The following YTHDF2 variants were observed in gnomAD, a reference collection of about 807,000 sequenced individuals.
YTHDF2 encodes YTH N6-methyladenosine RNA binding protein F2.
In YTHDF2, 2 loss-of-function variants were observed where a neutral mutation model predicts 50.4. The ratio of observed to expected loss-of-function variants is 0.04; its 90% CI spans 0.02 to 0.12. The LOEUF is 0.12. Ranked by LOEUF, YTHDF2 falls within the 10% of genes least tolerant of loss-of-function variation. The pLI is 1.00. For synonymous variants in YTHDF2, 217 were observed against 255.6 expected (o/e 0.85, Z 1.44); for missense variants, 483 against 722.6 (o/e 0.67, Z 3.80).
chr1:28,752,174 C>T (rs1284958255), intron 4 of YTHDF2, among the ~76,000 whole-genome samples: 1 of 152,182 alleles, frequency 6.6e-6, no homozygotes, highest in Non-Finnish European at 1.5e-5. Context: ...ATTATAATTA[C>T]CATCGTATTA....
chr1:28,741,301 TTTTA>T (rs1274218454), intron 3 of YTHDF2, among the ~76,000 whole-genome samples: 3 of 151,752 alleles, frequency 2.0e-5, no homozygotes, highest in African/African-American at 7.3e-5. Flanking sequence ...CCCGGCCTGT[TTTTA>T]TTTTATTTTT....
intron 4 of YTHDF2, among the ~76,000 whole-genome samples, chr1:28,765,023 G>A (rs1209048479): frequency 6.6e-6 from 1 of 152,058 alleles, no homozygotes; most frequent in Non-Finnish European, 1.5e-5. Flanking sequence ...TGAACAAGGT[G>A]TAAGGCCCTC....
At chr1:28,745,225 ATCT>A (rs948824203) in intron 4 of YTHDF2, among the ~76,000 whole-genome samples, 11 of 152,122 alleles carry the variant, frequency 7.2e-5, no homozygotes, top group African/African-American at 2.4e-4. Context: ...CGTTGGTACA[ATCT>A]TCTTGGAGGT....
intron 2 of YTHDF2, 170 bp downstream of exon 2, chr1:28,737,852 CA>C (rs2087719279): frequency 1.4e-6 from 1 of 712,936 alleles, no homozygotes; most frequent in Non-Finnish European, 2.3e-6. Flanking sequence ...AGCTGGCGAA[CA>C]GCTTTTTCGC....
At chr1:28,764,509 G>A (rs1473976202) in intron 4 of YTHDF2, among the ~76,000 whole-genome samples, 3 of 150,190 alleles carry the variant, frequency 2.0e-5, no homozygotes, top group Non-Finnish European at 1.5e-5. Flanking sequence ...TCCTGACCTC[G>A]TGATCCACCC....
At chr1:28,755,240 T>C (rs1376396520) in intron 4 of YTHDF2, among the ~76,000 whole-genome samples, 2 of 152,160 alleles carry the variant, frequency 1.3e-5, no homozygotes, top group Non-Finnish European at 2.9e-5. Flanking sequence ...CAGGTGATAG[T>C]AGGCAGCTGG....
intron 3 of YTHDF2, among the ~76,000 whole-genome samples, chr1:28,740,984 G>GAT (rs1421356405): frequency 1.1e-4 from 16 of 151,120 alleles, no homozygotes; most frequent in Non-Finnish European, 2.1e-4. Context: ...GATTACAGGT[G>GAT]TGAGCCACCG....
At chr1:28,750,344 A>G (rs969102653) in intron 4 of YTHDF2, among the ~76,000 whole-genome samples, 1 of 152,140 alleles carries the variant, frequency 6.6e-6, no homozygotes, top group African/African-American at 2.4e-5. Context: ...GAACGAATGG[A>G]TAGAGGTTAT....
intron 4 of YTHDF2, among the ~76,000 whole-genome samples, chr1:28,755,653 C>G (rs2088026049): frequency 6.6e-6 from 1 of 152,012 alleles, no homozygotes; most frequent in Non-Finnish European, 1.5e-5. Context: ...AAAGAGGGAG[C>G]AAGTGAAAGA....
chr1:28,736,867 G>A (rs1217346992), upstream of YTHDF2: 4 of 415,126 alleles, frequency 9.6e-6, no homozygotes, highest in Non-Finnish European at 1.7e-5. Flanking sequence ...TCCGCTGTTC[G>A]GCGCTCTGCT....
At chr1:28,750,976 C>T (rs1295802529) in intron 4 of YTHDF2, among the ~76,000 whole-genome samples, 1 of 150,338 alleles carries the variant, frequency 6.7e-6, no homozygotes, top group Non-Finnish European at 1.5e-5. Flanking sequence ...GCCTGTAATA[C>T]CAGCTAGTTA....
At chr1:28,756,212 A>G (rs151325317) in intron 4 of YTHDF2, among the ~76,000 whole-genome samples, 14 of 152,340 alleles carry the variant, frequency 9.2e-5, no homozygotes, top group Admixed American at 9.2e-4. Context: ...TAGACTATGT[A>G]AAAATGTCTG....
At chr1:28,740,504 A>G (rs772047936) in intron 3 of YTHDF2, 22 of 152,196 alleles carry the variant, frequency 1.4e-4, no homozygotes, top group Non-Finnish European at 2.8e-4. Context: ...TTCATTGTCT[A>G]GAGTAAGTCA....
chr1:28,767,738 G>A (rs2088239139), intron 4 of YTHDF2, among the ~76,000 whole-genome samples: 1 of 150,800 alleles, frequency 6.6e-6, no homozygotes, highest in African/African-American at 2.4e-5. Flanking sequence ...TCGATCTCCT[G>A]ACCTCGTGAT....
intron 3 of YTHDF2, 30 bp from the exon 4 acceptor site, chr1:28,742,373 T>G: frequency 6.6e-7 from 1 of 1,523,862 alleles, no homozygotes; most frequent in East Asian, 2.3e-5. Context: ...ATTTTTTGTG[T>G]TTTGATTTGC....
chr1:28,742,327 C>T (rs766930961), intron 3 of YTHDF2, 76 bp from the exon 4 acceptor site: 262 of 1,493,116 alleles, frequency 1.8e-4, no homozygotes, highest in Non-Finnish European at 2.2e-4. Flanking sequence ...ATTTGAATTG[C>T]GTGACTAGGT....
chr1:28,754,002 C>A (rs528684840), intron 4 of YTHDF2, among the ~76,000 whole-genome samples: 1 of 152,080 alleles, frequency 6.6e-6, no homozygotes, highest in Non-Finnish European at 1.5e-5. Context: ...CCACTGCGCT[C>A]GGCCTAGGAT....
intron 4 of YTHDF2, among the ~76,000 whole-genome samples, chr1:28,746,032 CTG>C (rs1344808909): frequency 9.9e-5 from 15 of 152,220 alleles, no homozygotes; most frequent in Admixed American, 3.9e-4. Context: ...GAGTGAGACT[CTG>C]TATCAAAAAT....
intron 4 of YTHDF2, among the ~76,000 whole-genome samples, chr1:28,750,676 A>T (rs1313935033): frequency 6.6e-6 from 1 of 152,196 alleles, no homozygotes; most frequent in Non-Finnish European, 1.5e-5. Flanking sequence ...TGGATGACAG[A>T]AGGGATTGGT....
Sources: allele counts gnomAD v4.1 joint callset (sites outside exome capture counted in the v4.1 genomes callset), GRCh38; gene constraint gnomAD v4.1.1; transcripts MANE v1.5; gene names NCBI Gene and HGNC (gene_info 2026-07-23, HGNC 2026-07-21).